KCNQ3: variants seen among roughly 807,000 people sequenced by gnomAD.
KCNQ3 encodes potassium voltage-gated channel subfamily KQT member 3.
Under a neutral mutation model 92.5 loss-of-function variants are expected in KCNQ3, and 30 were observed. The ratio of observed to expected loss-of-function variants is 0.32; its 90% CI spans 0.24 to 0.44. The LOEUF (loss-of-function observed/expected upper bound fraction) is 0.44, where lower values mean the gene tolerates loss of function less well. KCNQ3 is among the 20% of genes least tolerant of loss of function. The pLI, the probability that KCNQ3 is intolerant of heterozygous loss-of-function variation, is 1.00. For missense variants in KCNQ3, 913 were observed against 1,140.3 expected (o/e 0.80, Z 2.87); for synonymous variants, 450 against 468.8 (o/e 0.96, Z 0.52).
At chr8:132,300,241 T>G (rs1052898555) in intron 1 of KCNQ3, among the ~76,000 whole-genome samples, 3 of 152,194 alleles carry the variant, frequency 2.0e-5, no homozygotes, top group Admixed American at 1.3e-4. Flanking sequence ...ACACCATTTT[T>G]TTTTGCATTT....
intron 9 of KCNQ3, among the ~76,000 whole-genome samples, chr8:132,156,254 A>G (rs1825792572): frequency 1.3e-5 from 2 of 151,782 alleles, no homozygotes; most frequent in Non-Finnish European, 2.9e-5. Flanking sequence ...CATGATAGGT[A>G]TGATTCCAGC....
intron 1 of KCNQ3, among the ~76,000 whole-genome samples, chr8:132,473,103 C>T (rs1456754760): frequency 1.3e-5 from 2 of 152,040 alleles, no homozygotes; most frequent in Non-Finnish European, 2.9e-5. Context: ...AAAATCCTTG[C>T]TTCTCAAAAT....
chr8:132,421,659 A>T (rs989241662), intron 1 of KCNQ3, among the ~76,000 whole-genome samples: 2 of 152,160 alleles, frequency 1.3e-5, no homozygotes, highest in African/African-American at 4.8e-5. Context: ...GTCTTCAGCA[A>T]AAACAATGTG....
intron 1 of KCNQ3, among the ~76,000 whole-genome samples, chr8:132,473,310 G>C (rs560447049): frequency 6.6e-6 from 1 of 152,290 alleles, no homozygotes; most frequent in South Asian, 2.1e-4. Flanking sequence ...GCATTGTCTA[G>C]AGAAAAACTG....
intron 9 of KCNQ3, 49 bp downstream of exon 9, chr8:132,163,419 T>G: frequency 2.0e-6 from 3 of 1,527,188 alleles, no homozygotes; most frequent in Non-Finnish European, 2.7e-6. Flanking sequence ...CAGGATGCTC[T>G]GTCTTGACAC....
intron 1 of KCNQ3, among the ~76,000 whole-genome samples, chr8:132,348,012 C>G (rs1818748998): frequency 6.8e-6 from 1 of 147,982 alleles, no homozygotes; most frequent in South Asian, 2.1e-4. Context: ...GGAAAACCCA[C>G]TATTCCAGAT....
intron 9 of KCNQ3, 104 bp from the exon 10 acceptor site, chr8:132,141,435 G>C: frequency 9.9e-7 from 1 of 1,009,202 alleles, no homozygotes; most frequent in Non-Finnish European, 1.5e-6. Context: ...AGGAGAAATG[G>C]GGACCGTGCA....
At chr8:132,217,710 CAAAAAAAAAA>C (rs1170925572) in intron 1 of KCNQ3, among the ~76,000 whole-genome samples, 1 of 66,410 alleles carries the variant, frequency 1.5e-5, no homozygotes, top group African/African-American at 5.9e-5. Context: ...GGCTCTGTCT[CAAAAAAAAAA>C]AAAAAAAAAA....
chr8:132,479,130 G>A (rs1014641224), intron 1 of KCNQ3, among the ~76,000 whole-genome samples: 1 of 152,150 alleles, frequency 6.6e-6, no homozygotes, highest in African/African-American at 2.4e-5. Context: ...GATGGGTGCT[G>A]ACAGCACAGA....
chr8:132,166,830 A>T (rs1400732299), intron 8 of KCNQ3, among the ~76,000 whole-genome samples: 2 of 152,168 alleles, frequency 1.3e-5, no homozygotes, highest in Non-Finnish European at 2.9e-5. Context: ...CATCCTTCCA[A>T]ACCTTTGGCA....
rs1826717428 is a variant in KCNQ3 at position 132,180,340 on chromosome 8, GGACA to G, written c.605-15_605-12del. 3.7e-6 allele frequency: 6 copies of G among 1,613,532 alleles called. No homozygotes were observed. The highest frequency in any genetic ancestry group is 2.7e-5 in the African/African-American group (2 of 74,950). Reference sequence around the variant, plus strand: ...TCAGCACAAAGATGTCTGGGAGAGAGGACAGACAGAGTGGGAGGGAAGAGGGAAA... The same window carrying G: ...TCAGCACAAAGATGTCTGGGAGAGAGGACAGAGTGGGAGGGAAGAGGGAAA... On this transcript the variant is annotated splice_polypyrimidine_tract_variant and intron_variant, in intron 3 of 14. Coordinates refer to ENST00000388996, the MANE Select transcript of KCNQ3 (RefSeq NM_004519.4).
rs75808407 is a variant in KCNQ3 at position 132,245,410 on chromosome 8, C to T, written c.387-59229G>A. On this transcript the variant is annotated intron_variant, in intron 1 of 14. Coordinates refer to ENST00000388996, the MANE Select transcript of KCNQ3 (RefSeq NM_004519.4). ...TGTGCTCTCTTACAGGAAACCTTCC[C>T]TTCTTCCTGAAATGCTCTCCTATAT... Among the ~76,000 whole-genome samples, 145 of 152,270 alleles carry T rather than the reference C, an allele frequency of 9.5e-4. 1 individual carries two copies. The highest frequency in any genetic ancestry group is 3.4e-3 in the African/African-American group (143 of 41,550).
At chr8:132,391,506 C>A (rs1820046620) in intron 1 of KCNQ3, among the ~76,000 whole-genome samples, 1 of 152,000 alleles carries the variant, frequency 6.6e-6, no homozygotes, top group African/African-American at 2.4e-5. Flanking sequence ...CGGGTAATGG[C>A]ACTGACAAAA....
chr8:132,320,781 A>G lies in KCNQ3; in HGVS notation c.387-134600T>C, dbSNP rs1006280954. On this transcript the variant is annotated intron_variant, in intron 1 of 14. Coordinates refer to ENST00000388996, the MANE Select transcript of KCNQ3 (RefSeq NM_004519.4). ...AACGAATCCAAGGCTGCTGTTATTTATAACAGAAGAGAAAACAAATGAATG... is the reference window on the plus strand; with the variant it reads ...AACGAATCCAAGGCTGCTGTTATTTGTAACAGAAGAGAAAACAAATGAATG... 2.4e-4 allele frequency among the ~76,000 whole-genome samples: 37 copies of G among 152,154 alleles called. 1 individual carries two copies. The highest frequency in any genetic ancestry group is 2.0e-3 in the Admixed American group (31 of 15,276).
At chr8:132,257,656 A>G (rs943229950) in intron 1 of KCNQ3, among the ~76,000 whole-genome samples, 2 of 148,860 alleles carry the variant, frequency 1.3e-5, no homozygotes, top group African/African-American at 4.9e-5. Flanking sequence ...CTGAGACAGG[A>G]GAATCTCTTG....
intron 1 of KCNQ3, among the ~76,000 whole-genome samples, chr8:132,404,525 G>A (rs947765479): frequency 1.3e-5 from 2 of 152,168 alleles, no homozygotes; most frequent in South Asian, 2.1e-4. Flanking sequence ...TGATAAAGGC[G>A]AAATCCTGAC....
At chr8:132,226,921 T>C (rs1390007640) in intron 1 of KCNQ3, among the ~76,000 whole-genome samples, 1 of 152,210 alleles carries the variant, frequency 6.6e-6, no homozygotes, top group Non-Finnish European at 1.5e-5. Flanking sequence ...CCAGCATTTT[T>C]GGAGAAAAAT....
At chr8:132,177,757 C>T (rs759580173) in intron 4 of KCNQ3, among the ~76,000 whole-genome samples, 15 of 152,164 alleles carry the variant, frequency 9.9e-5, no homozygotes, top group South Asian at 2.1e-4. Flanking sequence ...CCATAGTACC[C>T]GGCCCAGAGT....
Position 132,180,140 on chromosome 8 carries a change from T to C in KCNQ3, c.777+17A>G. The C allele has an allele frequency of 6.2e-7, 1 of 1,613,910 alleles. No individual in the cohort carries two copies. The highest frequency in any genetic ancestry group is 1.1e-5 in the South Asian group (1 of 91,074). On this transcript the variant is annotated intron_variant, in intron 4 of 14. Transcript: ENST00000388996. The stretch of plus-strand genomic sequence containing the variant: ...TGGGAAGCCCATGTGGTCCTGCAGT[T>C]TCTCCACCACACTTACTTTGCTGTG...
Sources: allele counts gnomAD v4.1 joint callset (sites outside exome capture counted in the v4.1 genomes callset), GRCh38; gene constraint gnomAD v4.1.1; transcripts MANE v1.5; gene names NCBI Gene and HGNC (gene_info 2026-07-23, HGNC 2026-07-21).